GPC5: variants seen among roughly 807,000 people sequenced by gnomAD.
GPC5 encodes glypican-5.
Under a neutral mutation model 53.9 loss-of-function variants are expected in GPC5, and 47 were observed. The ratio of observed to expected loss-of-function variants is 0.87; its 90% confidence interval spans 0.69 to 1.11. The LOEUF (loss-of-function observed/expected upper bound fraction) is 1.11. GPC5 is among the 50% of genes most tolerant of loss of function. The pLI is 0.00. For missense variants in GPC5, 748 were observed against 713.1 expected (o/e 1.05, Z -0.56); for synonymous variants, 286 against 263.3 (o/e 1.09, Z -0.84).
chr13:92,485,661 A>T (rs1879525022), intron 7 of GPC5, among the ~76,000 whole-genome samples: 1 of 152,166 alleles, frequency 6.6e-6, no homozygotes, highest in Non-Finnish European at 1.5e-5. Context: ...CCTACCTTAC[A>T]GCAGGTGGGT....
chr13:92,005,914 T>A (rs527869874), intron 6 of GPC5, among the ~76,000 whole-genome samples: 1 of 152,312 alleles, frequency 6.6e-6, no homozygotes, highest in African/African-American at 2.4e-5. Context: ...GAGAAAAGTA[T>A]CCTCAAGCTA....
In GPC5 at chr13:91,926,023, C is replaced by A. The variant is rs192111445; in HGVS notation, c.1401+17966C>A. Among the ~76,000 whole-genome samples the A allele has an allele frequency of 3.9e-5, 6 of 152,160 alleles. No individual in the cohort carries two copies. In the East Asian group the frequency reaches 1.2e-3, roughly 29 times the overall value. ...ATAACAGGAATATTGAACGATGGCA[C>A]CTTGGTAGCCATCAGCCATTGCCAC... is the stretch of plus-strand genomic sequence containing the variant. On this transcript the variant is annotated intron_variant, in intron 6 of 7. Transcript: ENST00000377067.
chr13:92,143,986 A>G (rs922615203), intron 6 of GPC5, among the ~76,000 whole-genome samples: 7 of 152,134 alleles, frequency 4.6e-5, no homozygotes, highest in Non-Finnish European at 8.8e-5. Context: ...ACACTTGGCC[A>G]TGTGCTCTCC....
At chr13:91,683,540 C>T (rs2035555428) in intron 2 of GPC5, among the ~76,000 whole-genome samples, 3 of 152,230 alleles carry the variant, frequency 2.0e-5, no homozygotes, top group African/African-American at 7.2e-5. Flanking sequence ...GGAAGAGTCA[C>T]TGCCTGTCCG....
intron 7 of GPC5, among the ~76,000 whole-genome samples, chr13:92,413,439 C>A (rs1876136022): frequency 6.6e-6 from 1 of 152,206 alleles, no homozygotes; most frequent in Non-Finnish European, 1.5e-5. Flanking sequence ...ATGATTTAGA[C>A]TACATTTATT....
intron 2 of GPC5, among the ~76,000 whole-genome samples, chr13:91,520,329 C>T (rs934364096): frequency 1.3e-5 from 2 of 152,092 alleles, no homozygotes; most frequent in Non-Finnish European, 2.9e-5. Context: ...GTTTCCTGGT[C>T]CCCAGATGTG....
chr13:92,353,386 A>G lies in GPC5; in HGVS notation c.1561+208397A>G, dbSNP rs72638663. Among the ~76,000 whole-genome samples the G allele has an allele frequency of 2.3e-3, 354 of 152,182 alleles. 1 individual carries two copies. The highest frequency in any genetic ancestry group is 4.6e-3 in the South Asian group (22 of 4,824). On this transcript the variant is annotated intron_variant, in intron 7 of 7. Coordinates refer to ENST00000377067, the MANE Select transcript of GPC5 (RefSeq NM_004466.6). ...TAATGGTACACAACAACATGGATTT[A>G]TCTTGAAAAATATAGAAAAAGTATG...
intron 6 of GPC5, among the ~76,000 whole-genome samples, chr13:91,952,646 T>C (rs550592453): frequency 1.2e-4 from 18 of 152,234 alleles, no homozygotes; most frequent in African/African-American, 4.1e-4. Flanking sequence ...AGTGTAGGAA[T>C]AGGTTTTAAC....
At chr13:91,983,994 T>C (rs972153734) in intron 6 of GPC5, among the ~76,000 whole-genome samples, 1 of 152,202 alleles carries the variant, frequency 6.6e-6, no homozygotes, top group Non-Finnish European at 1.5e-5. Context: ...ACTGCTTGGA[T>C]GAGCGTGGTC....
At chr13:92,242,899 G>A (rs963202016) in intron 7 of GPC5, among the ~76,000 whole-genome samples, 5 of 152,132 alleles carry the variant, frequency 3.3e-5, no homozygotes, top group African/African-American at 1.2e-4. Flanking sequence ...AGGATTTTAT[G>A]TGTCTAATTT....
At chr13:91,399,332 A>C in intron 1 of GPC5, 123 bp downstream of exon 1, 2 of 1,240,114 alleles carry the variant, frequency 1.6e-6, no homozygotes, top group Admixed American at 2.5e-5. Flanking sequence ...CGCAGGGTGA[A>C]TCCCGGGGAG....
intron 6 of GPC5, among the ~76,000 whole-genome samples, chr13:92,040,142 G>T (rs1026961820): frequency 1.3e-5 from 2 of 152,124 alleles, no homozygotes; most frequent in African/African-American, 4.8e-5. Context: ...ACATCATTTT[G>T]TTCAAAATTG....
chr13:92,207,089 T>A (rs1180072954), intron 7 of GPC5, among the ~76,000 whole-genome samples: 3 of 152,220 alleles, frequency 2.0e-5, no homozygotes, highest in Non-Finnish European at 4.4e-5. Context: ...GTTATTTAAT[T>A]TTACCCAAAC....
chr13:91,993,974 A>G (rs998239509), intron 6 of GPC5, among the ~76,000 whole-genome samples: 2 of 152,240 alleles, frequency 1.3e-5, no homozygotes, highest in African/African-American at 4.8e-5. Flanking sequence ...GGGGACAAAG[A>G]ACTGCAATGA....
intron 2 of GPC5, among the ~76,000 whole-genome samples, chr13:91,540,519 G>A (rs1424157206): frequency 1.3e-5 from 2 of 152,208 alleles, no homozygotes; most frequent in Admixed American, 6.5e-5. Flanking sequence ...GGGGTGATGA[G>A]AATGATCTGA....
intron 5 of GPC5, among the ~76,000 whole-genome samples, chr13:91,847,063 C>T (rs1594613975): frequency 6.6e-6 from 1 of 151,342 alleles, no homozygotes; most frequent in African/African-American, 2.4e-5. Context: ...ACTAAAAATA[C>T]AAAAAATTAG....
intron 1 of GPC5, among the ~76,000 whole-genome samples, chr13:91,410,274 T>G (rs1205251506): frequency 6.6e-6 from 1 of 152,064 alleles, no homozygotes; most frequent in African/African-American, 2.4e-5. Flanking sequence ...CTTAGATACA[T>G]TTAAATAATT....
chr13:92,257,791 C>G (rs2042738220), intron 7 of GPC5, among the ~76,000 whole-genome samples: 2 of 151,774 alleles, frequency 1.3e-5, no homozygotes, highest in African/African-American at 4.8e-5. Context: ...ACCTCGTGAT[C>G]CGCCTGCCTC....
chr13:91,927,161 C>A (rs2039777252), intron 6 of GPC5, among the ~76,000 whole-genome samples: 1 of 152,120 alleles, frequency 6.6e-6, no homozygotes, highest in South Asian at 2.1e-4. Context: ...AGAGAAATTA[C>A]ATTTGAAATA....
Sources: allele counts gnomAD v4.1 joint callset (sites outside exome capture counted in the v4.1 genomes callset), GRCh38; gene constraint gnomAD v4.1.1; transcripts MANE v1.5; gene names NCBI Gene and HGNC (gene_info 2026-07-23, HGNC 2026-07-21).